The following ATF2 variants were observed in gnomAD, a reference collection of about 807,000 sequenced individuals.
The protein encoded by ATF2 is activating transcription factor 2.
A neutral mutation model predicts 60.6 loss-of-function variants in ATF2; 24 were observed. That is an observed-to-expected ratio of 0.40 (90% CI 0.29 to 0.56). The LOEUF (loss-of-function observed/expected upper bound fraction) is 0.56, where lower values mean the gene tolerates loss of function less well. Among genes scored for constraint, ATF2 ranks in the 20% least tolerant of loss-of-function variants. ATF2 has a pLI of 0.54. For synonymous variants in ATF2, 206 were observed against 215.4 expected, an observed-to-expected ratio of 0.96 and a Z score of 0.38; for missense variants, 433 against 607.7, an observed-to-expected ratio of 0.71 and a Z score of 3.02.
intron 1 of ATF2, among the ~76,000 whole-genome samples, chr2:175,151,918 AAG>A (rs1250534274): frequency 6.6e-6 from 1 of 152,196 alleles, no homozygotes; most frequent in Non-Finnish European, 1.5e-5. Flanking sequence ...AGATGAGAAA[AAG>A]GAGATAAGCA....
intron 12 of ATF2, among the ~76,000 whole-genome samples, chr2:175,086,677 G>A (rs1312622458): frequency 4.6e-5 from 7 of 151,986 alleles, no homozygotes; most frequent in Non-Finnish European, 1.0e-4. Flanking sequence ...CCAAAGTGCT[G>A]GAATTACAGG....
intron 12 of ATF2, among the ~76,000 whole-genome samples, chr2:175,086,310 C>A (rs919617680): frequency 2.6e-5 from 4 of 152,076 alleles, no homozygotes; most frequent in African/African-American, 7.2e-5. Flanking sequence ...GCAAATGAGA[C>A]ACAATTACTG....
At chr2:175,087,060 A>G (rs1428949791) in intron 12 of ATF2, among the ~76,000 whole-genome samples, 1 of 152,078 alleles carries the variant, frequency 6.6e-6, no homozygotes, top group East Asian at 1.9e-4. Context: ...AAAAGACTTA[A>G]TATTAAATGA....
intron 2 of ATF2, among the ~76,000 whole-genome samples, chr2:175,148,378 G>A (rs1417625575): frequency 1.3e-5 from 2 of 151,644 alleles, no homozygotes; most frequent in African/African-American, 4.9e-5. Context: ...ATTTCATAAA[G>A]AGGAGACAGC....
intron 13 of ATF2, among the ~76,000 whole-genome samples, chr2:175,076,409 C>T (rs971350240): frequency 9.9e-5 from 15 of 151,870 alleles, no homozygotes; most frequent in African/African-American, 3.6e-4. Flanking sequence ...AGAATGAATA[C>T]TTAAAAAAAA....
intron 10 of ATF2, among the ~76,000 whole-genome samples, chr2:175,108,482 G>A (rs1386592284): frequency 1.6e-4 from 24 of 145,536 alleles, no homozygotes; most frequent in East Asian, 4.2e-4. Flanking sequence ...GCCCCCGCCC[G>A]GCCAGCCGCC....
intron 4 of ATF2, among the ~76,000 whole-genome samples, chr2:175,125,763 T>C (rs76274119): frequency 0.04 from 6,094 of 152,200 alleles, 392 homozygotes; most frequent in African/African-American, 0.14. Context: ...AATGCTGATA[T>C]GTGTAATGTC....
At chr2:175,144,153 T>C (rs1383083153) in intron 2 of ATF2, among the ~76,000 whole-genome samples, 1 of 152,162 alleles carries the variant, frequency 6.6e-6, no homozygotes, top group African/African-American at 2.4e-5. Flanking sequence ...GAATATAGAA[T>C]ATAGGCTTTT....
intron 10 of ATF2, among the ~76,000 whole-genome samples, chr2:175,111,160 T>A (rs560660878): frequency 6.6e-6 from 1 of 152,254 alleles, no homozygotes; most frequent in East Asian, 1.9e-4. Context: ...CAGAAAAAAA[T>A]GGTTTTATCA....
intron 2 of ATF2, among the ~76,000 whole-genome samples, chr2:175,143,076 A>G (rs943192579): frequency 6.6e-6 from 1 of 152,164 alleles, no homozygotes; most frequent in Non-Finnish European, 1.5e-5. Flanking sequence ...AATAATGTAA[A>G]CTAAACTACA....
intron 10 of ATF2, among the ~76,000 whole-genome samples, chr2:175,109,789 C>A (rs551492911): frequency 6.6e-6 from 1 of 152,062 alleles, no homozygotes; most frequent in Non-Finnish European, 1.5e-5. Flanking sequence ...AAAAAATGCC[C>A]CTGGTGAAGC....
intron 11 of ATF2, among the ~76,000 whole-genome samples, chr2:175,094,924 A>G (rs1048080766): frequency 6.6e-6 from 1 of 152,190 alleles, no homozygotes; most frequent in Admixed American, 6.5e-5. Context: ...CATGGGCAAC[A>G]GAGGAAGATC....
At chr2:175,161,498 A>G (rs1700025835) in intron 1 of ATF2, among the ~76,000 whole-genome samples, 1 of 152,220 alleles carries the variant, frequency 6.6e-6, no homozygotes, top group Admixed American at 6.5e-5. Flanking sequence ...TGAGGCAGAG[A>G]GGTTATATAA....
chr2:175,101,412 T>G (rs1695304094), intron 10 of ATF2, among the ~76,000 whole-genome samples: 1 of 152,162 alleles, frequency 6.6e-6, no homozygotes, highest in African/African-American at 2.4e-5. Flanking sequence ...CAATGACTAG[T>G]ACCCAGTCTA....
At chr2:175,164,742 G>A (rs1199412670) in intron 1 of ATF2, among the ~76,000 whole-genome samples, 1 of 152,136 alleles carries the variant, frequency 6.6e-6, no homozygotes, top group Non-Finnish European at 1.5e-5. Flanking sequence ...CTTACATAAA[G>A]AGAACATGCA....
chr2:175,080,803 A>ATTTTTT, intron 12 of ATF2, 38 bp from the exon 13 acceptor site: 1 of 1,502,940 alleles, frequency 6.7e-7, no homozygotes, highest in Non-Finnish European at 9.2e-7. Flanking sequence ...ACCACAGACT[A>ATTTTTT]AACATATTTT....
intron 13 of ATF2, among the ~76,000 whole-genome samples, chr2:175,079,376 C>T (rs1693603117): frequency 6.6e-6 from 1 of 151,992 alleles, no homozygotes; most frequent in South Asian, 2.1e-4. Flanking sequence ...TGCATAAATG[C>T]TGAACTAGTA....
intron 10 of ATF2, among the ~76,000 whole-genome samples, chr2:175,099,669 GTAT>G (rs1449698276): frequency 1.3e-5 from 2 of 152,144 alleles, no homozygotes; most frequent in Non-Finnish European, 2.9e-5. Flanking sequence ...CTGTGTTGTT[GTAT>G]TATCTGTAGT....
chr2:175,146,523 T>C (rs1267993800), intron 2 of ATF2, among the ~76,000 whole-genome samples: 4 of 152,226 alleles, frequency 2.6e-5, no homozygotes, highest in Non-Finnish European at 4.4e-5. Context: ...GTTTAAGTTG[T>C]ATGTAAATAA....
Sources: allele counts gnomAD v4.1 joint callset (sites outside exome capture counted in the v4.1 genomes callset), GRCh38; gene constraint gnomAD v4.1.1; transcripts MANE v1.5; gene names NCBI Gene and HGNC (gene_info 2026-07-23, HGNC 2026-07-21).